Variants in VPS26C observed in about 807,000 individuals in gnomAD.
VPS26C encodes the protein vacuolar protein sorting-associated protein 26C.
VPS26C carries 19 observed loss-of-function variants against 30.6 expected under a neutral mutation model. The ratio of observed to expected loss-of-function variants is 0.62; its 90% CI spans 0.43 to 0.91. The LOEUF (loss-of-function observed/expected upper bound fraction) is 0.91. Among genes scored for constraint, VPS26C ranks in the 40% least tolerant of loss-of-function variants. The pLI is 0.00. For synonymous variants in VPS26C, 132 were observed against 151.5 expected (o/e 0.87, Z 0.95); for missense variants, 318 against 385.1 (o/e 0.83, Z 1.46).
At chr21:37,242,470 G>A (rs2086097273) in intron 1 of VPS26C, among the ~76,000 whole-genome samples, 1 of 152,006 alleles carries the variant, frequency 6.6e-6, no homozygotes, top group Admixed American at 6.6e-5. Flanking sequence ...AGGCGTGGTG[G>A]TGTGCTCAGG....
intron 1 of VPS26C, among the ~76,000 whole-genome samples, chr21:37,255,340 G>A (rs2086231562): frequency 6.6e-6 from 1 of 152,094 alleles, no homozygotes; most frequent in African/African-American, 2.4e-5. Flanking sequence ...GCTAATTTTG[G>A]GCTGAAATCA....
chr21:37,251,837 A>G (rs2086196890), intron 1 of VPS26C, among the ~76,000 whole-genome samples: 1 of 152,240 alleles, frequency 6.6e-6, no homozygotes, highest in South Asian at 2.1e-4. Context: ...AAAGATCTGA[A>G]GATTGTGTGT....
At chr21:37,238,417 GA>G (rs2086047100) in intron 3 of VPS26C, 42 bp downstream of exon 3, 3 of 1,592,836 alleles carry the variant, frequency 1.9e-6, no homozygotes, top group Non-Finnish European at 2.6e-6. Context: ...TTTGTCAGAA[GA>G]AAACTTGTGA....
intron 1 of VPS26C, among the ~76,000 whole-genome samples, chr21:37,248,266 A>G (rs956759231): frequency 6.9e-6 from 1 of 144,720 alleles, no homozygotes; most frequent in African/African-American, 2.6e-5. Context: ...TGCTCTTTTC[A>G]GTGTCCATGA....
chr21:37,258,405 C>T (rs1188091302), intron 1 of VPS26C, among the ~76,000 whole-genome samples: 6 of 152,180 alleles, frequency 3.9e-5, no homozygotes, highest in Admixed American at 1.3e-4. Context: ...TGCGATGTGA[C>T]GTGTTACCTC....
chr21:37,258,467 G>A lies in VPS26C; in HGVS notation c.57+8771C>T, dbSNP rs541584871. On this transcript the variant is annotated intron_variant, in intron 1 of 7. Coordinates refer to ENST00000309117, the MANE Select transcript of VPS26C (RefSeq NM_006052.2). ...CCCCGAACCTGATGAACGCGCGGTG[G>A]GGACCCCAGGCTTCCGTGCTTTCGT... Among the ~76,000 whole-genome samples, 29 of 152,338 alleles carry A rather than the reference G, an allele frequency of 1.9e-4. No individual in the cohort carries two copies. The South Asian group carries it at 5.8e-3, about 30-fold the overall frequency.
At chr21:37,234,123 C>T (rs1223665042) in intron 3 of VPS26C, among the ~76,000 whole-genome samples, 2 of 152,232 alleles carry the variant, frequency 1.3e-5, no homozygotes, top group African/African-American at 2.4e-5. Flanking sequence ...ACACCTGGTC[C>T]TCAGGGAACT....
intron 1 of VPS26C, among the ~76,000 whole-genome samples, chr21:37,242,640 C>G (rs755581561): frequency 6.6e-6 from 1 of 152,098 alleles, no homozygotes; most frequent in Non-Finnish European, 1.5e-5. Context: ...GTTTACTTGA[C>G]GAATATGTCC....
At chr21:37,235,068 G>A (rs752082955) in intron 3 of VPS26C, among the ~76,000 whole-genome samples, 3 of 151,808 alleles carry the variant, frequency 2.0e-5, no homozygotes, top group South Asian at 2.1e-4. Context: ...GTGCGATGGC[G>A]TGATCTCGGC....
chr21:37,251,658 G>C (rs1313651698), intron 1 of VPS26C, among the ~76,000 whole-genome samples: 5 of 152,160 alleles, frequency 3.3e-5, no homozygotes, highest in Non-Finnish European at 5.9e-5. Context: ...AGGGGGTATC[G>C]ATCTTGAAAT....
chr21:37,232,254 A>G, intron 5 of VPS26C, 123 bp downstream of exon 5: 1 of 785,600 alleles, frequency 1.3e-6, no homozygotes, highest in Admixed American at 2.4e-5. Flanking sequence ...TTTGGGTACA[A>G]TCAGAAATCT....
chr21:37,252,750 C>T (rs1171239763), intron 1 of VPS26C, among the ~76,000 whole-genome samples: 1 of 152,190 alleles, frequency 6.6e-6, no homozygotes, highest in Non-Finnish European at 1.5e-5. Flanking sequence ...GCCATCAAAA[C>T]GAATGAACTA....
At chr21:37,236,739 C>T (rs761227811) in intron 3 of VPS26C, among the ~76,000 whole-genome samples, 4 of 152,140 alleles carry the variant, frequency 2.6e-5, no homozygotes, top group Non-Finnish European at 5.9e-5. Context: ...TGTTAGAAAT[C>T]GGTGAGATAG....
intron 5 of VPS26C, among the ~76,000 whole-genome samples, chr21:37,229,932 T>A (rs1454073890): frequency 1.3e-5 from 2 of 152,166 alleles, no homozygotes; most frequent in Non-Finnish European, 2.9e-5. Flanking sequence ...CAGGCTGGAG[T>A]ACATGGCTCA....
At chr21:37,238,277 C>T (rs1487249780) in intron 3 of VPS26C, 183 bp downstream of exon 3, 8 of 649,584 alleles carry the variant, frequency 1.2e-5, no homozygotes, top group African/African-American at 9.4e-5. Context: ...TCAGAAATAA[C>T]GGCCATACAT....
chr21:37,240,410 C>A (rs1177420717), intron 2 of VPS26C, 86 bp downstream of exon 2: 2 of 1,475,716 alleles, frequency 1.4e-6, no homozygotes, highest in Admixed American at 3.7e-5. Context: ...CAGGCCTGAG[C>A]CACTGCGCCT....
rs1303913129 is a variant in VPS26C, at chr21:37,226,320, G to C, written c.812-694C>G. On this transcript the variant is annotated intron_variant, in intron 7 of 7. Transcript: ENST00000309117. The surrounding 1 kb of genome is among the most constrained non-coding windows in gnomAD (Gnocchi z 4.1). ...CTGTGCTGAGCCCCACACTGTGGCAGCTCAGCTGTGGAAGGGGCCTTGGAG... is the reference window on the plus strand; with the variant it reads ...CTGTGCTGAGCCCCACACTGTGGCACCTCAGCTGTGGAAGGGGCCTTGGAG... 1 of 152,382 alleles carries C rather than the reference G, an allele frequency of 6.6e-6. No homozygotes were observed. Among genetic ancestry groups the C allele is most frequent in the African/African-American group, 2.4e-5 (1 of 41,452 alleles). 9.4% of individuals were successfully genotyped at this position (152,382 alleles called of 1,614,324 possible).
At chr21:37,245,135 A>G (rs539927990) in intron 1 of VPS26C, among the ~76,000 whole-genome samples, 1 of 152,378 alleles carries the variant, frequency 6.6e-6, no homozygotes, top group East Asian at 1.9e-4. Context: ...AGAGGAGCAC[A>G]TGACATCTAA....
chr21:37,250,416 G>C (rs1004090157), intron 1 of VPS26C, among the ~76,000 whole-genome samples: 1 of 152,046 alleles, frequency 6.6e-6, no homozygotes, highest in African/African-American at 2.4e-5. Flanking sequence ...CAAAACCATA[G>C]AGAATAATTT....
Sources: allele counts gnomAD v4.1 joint callset (sites outside exome capture counted in the v4.1 genomes callset), GRCh38; gene constraint gnomAD v4.1.1; non-coding constraint Gnocchi (gnomAD v3.1); transcripts MANE v1.5; gene names NCBI Gene and HGNC (gene_info 2026-07-23, HGNC 2026-07-21).